SKAP1: variants seen among roughly 807,000 people sequenced by gnomAD.
SKAP1 encodes src kinase associated phosphoprotein 1, also known as src kinase-associated phosphoprotein 1.
A neutral mutation model predicts 58.5 loss-of-function variants in SKAP1; 44 were observed. The observed-to-expected ratio is 0.75, with a 90% CI of 0.59 to 0.97. The LOEUF (loss-of-function observed/expected upper bound fraction) is 0.97, where lower values mean the gene tolerates loss of function less well. SKAP1 is among the 50% of genes least tolerant of loss of function. The pLI is 0.00. For synonymous variants in SKAP1, 127 were observed against 149.7 expected (o/e 0.85, Z 1.11); for missense variants, 390 against 435.2 (o/e 0.90, Z 0.92).
chr17:48,158,965 G>GAA (rs34145165), intron 11 of SKAP1, among the ~76,000 whole-genome samples: 1 of 131,392 alleles, frequency 7.6e-6, no homozygotes, highest in Non-Finnish European at 1.6e-5. Context: ...TTCTCAAAAA[G>GAA]AAAAAAAAAA....
intron 4 of SKAP1, chr17:48,295,477 A>C (rs938222783): frequency 6.6e-6 from 1 of 152,192 alleles, no homozygotes; most frequent in African/African-American, 2.4e-5. Flanking sequence ...GAAAGGATTC[A>C]AAAAATTCTG....
chr17:48,211,794 G>C (rs2064875848), intron 4 of SKAP1, among the ~76,000 whole-genome samples: 1 of 151,956 alleles, frequency 6.6e-6, no homozygotes, highest in Non-Finnish European at 1.5e-5. Flanking sequence ...TCCTCTTCAG[G>C]CTCTTTCTAT....
At chr17:48,186,037 G>C (rs1276438794) in intron 6 of SKAP1, 1 of 151,890 alleles carries the variant, frequency 6.6e-6, no homozygotes, top group Non-Finnish European at 1.5e-5. Flanking sequence ...GGAAGATTCT[G>C]AATGAACAGA....
intron 1 of SKAP1, among the ~76,000 whole-genome samples, chr17:48,426,679 G>A (rs2067856606): frequency 6.6e-6 from 1 of 152,134 alleles, no homozygotes; most frequent in African/African-American, 2.4e-5. Context: ...TTTCAATAAA[G>A]CAGAAAGCAC....
intron 4 of SKAP1, among the ~76,000 whole-genome samples, chr17:48,345,013 T>A (rs2066704120): frequency 4.6e-5 from 7 of 152,256 alleles, no homozygotes. Context: ...GTGTTTCCAA[T>A]TTGATGTTCA....
At chr17:48,187,557 A>G (rs930552796) in intron 6 of SKAP1, among the ~76,000 whole-genome samples, 2 of 152,198 alleles carry the variant, frequency 1.3e-5, no homozygotes, top group African/African-American at 4.8e-5. Flanking sequence ...TTTTTTTTAA[A>G]AACCAAAACA....
chr17:48,357,485 C>A (rs1218492669), intron 3 of SKAP1, among the ~76,000 whole-genome samples: 1 of 152,034 alleles, frequency 6.6e-6, no homozygotes, highest in Non-Finnish European at 1.5e-5. Flanking sequence ...AAAAAATTAG[C>A]CGGGCGTGGT....
At chr17:48,266,911 A>G (rs2065558700) in intron 4 of SKAP1, among the ~76,000 whole-genome samples, 1 of 152,214 alleles carries the variant, frequency 6.6e-6, no homozygotes, top group Non-Finnish European at 1.5e-5. Flanking sequence ...AATGAAGTGG[A>G]AATGTCCAAA....
intron 4 of SKAP1, among the ~76,000 whole-genome samples, chr17:48,220,615 G>A (rs2064991084): frequency 6.6e-6 from 1 of 150,454 alleles, no homozygotes; most frequent in Non-Finnish European, 1.5e-5. Flanking sequence ...CCAGCACTTT[G>A]GGAGGCTGAG....
intron 3 of SKAP1, among the ~76,000 whole-genome samples, chr17:48,355,285 G>C (rs1227046130): frequency 6.6e-6 from 1 of 152,050 alleles, no homozygotes; most frequent in African/African-American, 2.4e-5. Context: ...TTTTTGTTTT[G>C]TTTTTGTTTT....
chr17:48,163,417 G>A (rs1413922872), intron 10 of SKAP1, among the ~76,000 whole-genome samples: 1 of 152,190 alleles, frequency 6.6e-6, no homozygotes, highest in Non-Finnish European at 1.5e-5. Flanking sequence ...TGAAGAATTT[G>A]TATTGATCTT....
chr17:48,184,612 G>T (rs905196728), intron 7 of SKAP1, 111 bp downstream of exon 7: 35 of 1,344,548 alleles, frequency 2.6e-5, no homozygotes, highest in Non-Finnish European at 3.4e-5. Context: ...GGCATGAAAT[G>T]AGCAGGTAAC....
intron 3 of SKAP1, among the ~76,000 whole-genome samples, chr17:48,359,269 T>G (rs1279399504): frequency 2.0e-5 from 3 of 152,142 alleles, no homozygotes; most frequent in Non-Finnish European, 4.4e-5. Flanking sequence ...TGTTTCTTTC[T>G]CCTCTCCCAT....
chr17:48,252,856 G>T (rs1211433349), intron 4 of SKAP1, among the ~76,000 whole-genome samples: 5 of 152,038 alleles, frequency 3.3e-5, no homozygotes, highest in Non-Finnish European at 7.4e-5. Flanking sequence ...TTTCCTAATT[G>T]CATCAGCTTC....
At chr17:48,161,830 G>C (rs1426076943) in intron 11 of SKAP1, among the ~76,000 whole-genome samples, 2 of 152,140 alleles carry the variant, frequency 1.3e-5, no homozygotes, top group Non-Finnish European at 2.9e-5. Context: ...GTTTTCAATA[G>C]TATTACATGG....
chr17:48,171,297 G>A (rs2064212480), intron 9 of SKAP1, among the ~76,000 whole-genome samples: 1 of 151,542 alleles, frequency 6.6e-6, no homozygotes, highest in African/African-American at 2.4e-5. Flanking sequence ...GTGAAGATGG[G>A]GTTTCTCCAT....
intron 1 of SKAP1, among the ~76,000 whole-genome samples, chr17:48,425,267 C>T (rs1477426968): frequency 2.6e-5 from 4 of 151,698 alleles, no homozygotes; most frequent in African/African-American, 9.7e-5. Context: ...CAAAAAGAAA[C>T]GAAAACCCTC....
chr17:48,211,504 C>T (rs2064872717), intron 4 of SKAP1, among the ~76,000 whole-genome samples: 2 of 152,194 alleles, frequency 1.3e-5, no homozygotes, highest in African/African-American at 4.8e-5. Flanking sequence ...CTGGGAAAAA[C>T]AGCATTCGAA....
intron 5 of SKAP1, among the ~76,000 whole-genome samples, chr17:48,188,516 G>A (rs2064489750): frequency 6.6e-6 from 1 of 152,072 alleles, no homozygotes; most frequent in Admixed American, 6.6e-5. Flanking sequence ...GTGAGACCTT[G>A]TCTCTATAAA....
Sources: gnomAD v4.1 joint callset for allele counts (sites outside exome capture counted in the v4.1 genomes callset) on GRCh38, gnomAD v4.1.1 for gene constraint, MANE v1.5 for transcripts, NCBI Gene and HGNC (gene_info 2026-07-23, HGNC 2026-07-21) for gene names.